The following ASTN2 variants were observed in gnomAD, a reference collection of about 807,000 sequenced individuals.
The protein encoded by ASTN2 is astrotactin 2, also known as astrotactin-2.
In ASTN2, 54 loss-of-function variants were observed where a neutral mutation model predicts 139.8. That is an observed-to-expected ratio of 0.39 (90% confidence interval 0.31 to 0.48). The LOEUF is 0.48. Ranked by LOEUF, ASTN2 falls within the 20% of genes least tolerant of loss-of-function variation. ASTN2 has a pLI of 0.95. For missense variants in ASTN2, 1,565 were observed against 1,725.1 expected, an observed-to-expected ratio of 0.91 and a Z score of 1.64; for synonymous variants, 756 against 719.5, an observed-to-expected ratio of 1.05 and a Z score of -0.81.
intron 17 of ASTN2, among the ~76,000 whole-genome samples, chr9:116,620,784 G>T (rs1856102944): frequency 6.6e-6 from 1 of 152,152 alleles, no homozygotes; most frequent in African/African-American, 2.4e-5. Flanking sequence ...TTTACAAGTT[G>T]GAAAACTGAA....
chr9:117,363,671 G>A (rs1829755133), intron 1 of ASTN2, among the ~76,000 whole-genome samples: 1 of 152,176 alleles, frequency 6.6e-6, no homozygotes, highest in Non-Finnish European at 1.5e-5. Context: ...AAAAGTATGG[G>A]TAGGATTTGA....
At position 116,902,423 on chromosome 9, in the gene ASTN2, A is replaced by G. The variant is rs1834036015; in HGVS notation, c.1890-38690T>C. On this transcript the variant is annotated intron_variant, in intron 10 of 22. Transcript: ENST00000313400. ...TGTTACATAAAAGTGTAAAGTTTGA[A>G]AAATGAAAATTTTATAAAGTAAAAA... 2.6e-5 allele frequency among the ~76,000 whole-genome samples: 4 copies of G among 152,240 alleles called. No homozygotes were observed. The South Asian group carries it at 8.3e-4, about 32-fold the overall frequency.
At chr9:116,618,284 T>C (rs371229046) in intron 19 of ASTN2, 40 bp downstream of exon 19, 176 of 1,582,892 alleles carry the variant, frequency 1.1e-4, no homozygotes, top group Non-Finnish European at 2.1e-5. Flanking sequence ...TTCCCTCTTC[T>C]GTCATACTAT....
intron 10 of ASTN2, among the ~76,000 whole-genome samples, chr9:116,865,048 A>ACAT (rs1832980471): frequency 1.3e-5 from 2 of 152,166 alleles, no homozygotes; most frequent in East Asian, 3.9e-4. Context: ...CCCTCTCCTC[A>ACAT]CATCTCTATC....
At position 116,425,542 on chromosome 9, in the gene ASTN2, A is replaced by G; in HGVS notation, c.*309T>C. On this transcript the variant is annotated 3_prime_UTR_variant, in exon 23 of 23. Transcript: ENST00000313400. ...GAAGAGCAAAGGCCGCTTGGTCTCCACCTGAAAACTTCTGCCTCGGGATTG... is the reference window on the plus strand; with the variant it reads ...GAAGAGCAAAGGCCGCTTGGTCTCCGCCTGAAAACTTCTGCCTCGGGATTG... 1.2e-6 allele frequency: 2 copies of G among 1,609,862 alleles called. No homozygotes were observed. Among genetic ancestry groups the G allele is most frequent in the Non-Finnish European group, 8.5e-7 (1 of 1,177,392 alleles).
rs140216043 is a variant in ASTN2 at position 117,293,278 on chromosome 9, T to C, written c.443-1765A>G. On this transcript the variant is annotated intron_variant, in intron 1 of 22. Transcript: ENST00000313400. ...GTCTTGCCTGGCTTACTGCAAGGACTCCTTAACTTGACTCTCTTCTTCCAC... is the reference window on the plus strand; with the variant it reads ...GTCTTGCCTGGCTTACTGCAAGGACCCCTTAACTTGACTCTCTTCTTCCAC... 4.1e-3 allele frequency among the ~76,000 whole-genome samples: 622 copies of C among 152,266 alleles called. 1 individual carries two copies. The highest frequency in any genetic ancestry group is 0.014 in the Middle Eastern group (4 of 294).
Position 117,090,787 on chromosome 9 carries a change from G to C in ASTN2, c.1276+5257C>G, listed in dbSNP as rs1587952390. Among the ~76,000 whole-genome samples the C allele has an allele frequency of 2.0e-5, 3 of 152,320 alleles. No homozygotes were observed. In the Middle Eastern group the frequency reaches 0.01, roughly 518 times the overall value. ...AAGGTGAGGTCAGGACTCACAGCCAGGTCTGGCTGAATCTAATGCCAGTCC... is the reference window on the plus strand; with the variant it reads ...AAGGTGAGGTCAGGACTCACAGCCACGTCTGGCTGAATCTAATGCCAGTCC... On this transcript the variant is annotated intron_variant, in intron 5 of 22. Coordinates refer to ENST00000313400, the MANE Select transcript of ASTN2 (RefSeq NM_001365068.1).
At chr9:117,141,173 G>A (rs1830065623) in intron 4 of ASTN2, among the ~76,000 whole-genome samples, 153 bp downstream of exon 4, 1 of 152,140 alleles carries the variant, frequency 6.6e-6, no homozygotes, top group Non-Finnish European at 1.5e-5. Context: ...GGGAGCATAG[G>A]TCTGCAGCCT....
At chr9:116,815,804 C>CA (rs55954354) in intron 12 of ASTN2, among the ~76,000 whole-genome samples, 312 of 24,032 alleles carry the variant, frequency 0.013, 48 homozygotes, top group East Asian at 0.021. Context: ...GACTCCGTCT[C>CA]AAAAAAAAAA....
intron 10 of ASTN2, among the ~76,000 whole-genome samples, chr9:116,883,027 A>T (rs1322164261): frequency 1.3e-5 from 2 of 152,184 alleles, no homozygotes; most frequent in African/African-American, 4.8e-5. Context: ...TGACCAAGTG[A>T]TCACAGTAAT....
At chr9:116,650,444 C>A (rs1338774379) in intron 17 of ASTN2, among the ~76,000 whole-genome samples, 1 of 152,118 alleles carries the variant, frequency 6.6e-6, no homozygotes, top group Admixed American at 6.5e-5. Flanking sequence ...CTGGAGCAGA[C>A]CAACTTTGAG....
At chr9:116,928,707 G>A (rs1199599489) in intron 10 of ASTN2, among the ~76,000 whole-genome samples, 1 of 152,126 alleles carries the variant, frequency 6.6e-6, no homozygotes, top group Admixed American at 6.6e-5. Context: ...AAGACTTGTG[G>A]AGGTACAAAG....
intron 22 of ASTN2, chr9:116,437,593 T>G: frequency 2.1e-6 from 1 of 470,860 alleles, no homozygotes; most frequent in South Asian, 1.5e-5. Flanking sequence ...TCCAGGAGGC[T>G]GTAAAGACAA....
At chr9:116,885,702 C>T (rs187157661) in intron 10 of ASTN2, among the ~76,000 whole-genome samples, 7 of 152,078 alleles carry the variant, frequency 4.6e-5, no homozygotes, top group Non-Finnish European at 1.0e-4. Context: ...CAAAAAAAAA[C>T]CTCTTATCTC....
At position 116,698,977 on chromosome 9, in the gene ASTN2, G is replaced by A; in HGVS notation, c.2806+26794C>T. 6.2e-7 allele frequency: 1 copy of A among 1,614,146 alleles called. No individual in the cohort carries two copies. Among genetic ancestry groups the A allele is most frequent in the Non-Finnish European group, 8.5e-7 (1 of 1,180,020 alleles). ...TTGAAGGAAATCCGCCGCAGCCCCAGTGGCATTGATAGCTTTGTGCTAAGC... is the reference window on the plus strand; with the variant it reads ...TTGAAGGAAATCCGCCGCAGCCCCAATGGCATTGATAGCTTTGTGCTAAGC... On this transcript the variant is annotated intron_variant, in intron 16 of 22. Transcript: ENST00000313400. The surrounding 1 kb of genome is among the most constrained non-coding windows in gnomAD (Gnocchi z 4.4).
intron 19 of ASTN2, among the ~76,000 whole-genome samples, chr9:116,493,592 C>A (rs1349426189): frequency 1.3e-5 from 2 of 152,082 alleles, no homozygotes; most frequent in South Asian, 2.1e-4. Context: ...GGCCCCACCC[C>A]CTATTCCTCA....
chr9:117,262,420 T>TA (rs1833847024), intron 2 of ASTN2, among the ~76,000 whole-genome samples: 1 of 151,372 alleles, frequency 6.6e-6, no homozygotes, highest in East Asian at 1.9e-4. Flanking sequence ...TTTATTTATT[T>TA]TTTATCTCCT....
At chr9:116,960,875 A>T (rs1431518033) in intron 10 of ASTN2, among the ~76,000 whole-genome samples, 1 of 152,058 alleles carries the variant, frequency 6.6e-6, no homozygotes, top group Non-Finnish European at 1.5e-5. Context: ...TGCACAGCTG[A>T]CTCAGCCCCC....
chr9:117,085,591 C>T (rs189832391), intron 5 of ASTN2, among the ~76,000 whole-genome samples: 47 of 152,264 alleles, frequency 3.1e-4, no homozygotes, highest in African/African-American at 8.2e-4. Flanking sequence ...TGCCCTGGGA[C>T]GGCTGGTCCT....
Sources: allele counts gnomAD v4.1 joint callset (sites outside exome capture counted in the v4.1 genomes callset), GRCh38; gene constraint gnomAD v4.1.1; non-coding constraint Gnocchi (gnomAD v3.1); transcripts MANE v1.5; gene names NCBI Gene and HGNC (gene_info 2026-07-23, HGNC 2026-07-21).